TMEM132B: variants seen among roughly 807,000 people sequenced by gnomAD.
The protein encoded by TMEM132B is transmembrane protein 132B.
TMEM132B carries 18 observed loss-of-function variants against 90.8 expected under a neutral mutation model. The ratio of observed to expected loss-of-function variants is 0.20; its 90% CI spans 0.14 to 0.29. TMEM132B has a LOEUF of 0.29. Ranked by LOEUF, TMEM132B falls within the 10% of genes least tolerant of loss-of-function variation. The pLI, the probability that TMEM132B is intolerant of heterozygous loss-of-function variation, is 1.00. For missense variants in TMEM132B, 1,096 were observed against 1,326.8 expected, an observed-to-expected ratio of 0.83 and a Z score of 2.70; for synonymous variants, 504 against 523.3, an observed-to-expected ratio of 0.96 and a Z score of 0.50.
At chr12:125,202,951 C>A (rs1055846880) in intron 1 of TMEM132B, among the ~76,000 whole-genome samples, 3 of 152,172 alleles carry the variant, frequency 2.0e-5, no homozygotes, top group Non-Finnish European at 4.4e-5. Context: ...AATTGGGTTT[C>A]TTTCACTTGC....
intron 1 of TMEM132B, among the ~76,000 whole-genome samples, chr12:125,333,442 A>AC (rs1485528011): frequency 2.0e-5 from 3 of 152,252 alleles, no homozygotes; most frequent in Non-Finnish European, 4.4e-5. Flanking sequence ...CGGCAAATAG[A>AC]ATTAATTACA....
intron 2 of TMEM132B, among the ~76,000 whole-genome samples, chr12:125,377,706 A>G (rs1044883167): frequency 2.6e-5 from 4 of 152,140 alleles, no homozygotes; most frequent in African/African-American, 9.7e-5. Flanking sequence ...AATATTTTCA[A>G]AGGATTCTCT....
rs1346171650 is a variant in TMEM132B at position 125,251,480 on chromosome 12, G to A, written c.67+64614G>A. On this transcript the variant is annotated intron_variant, in intron 1 of 8. Coordinates refer to ENST00000682704, the MANE Select transcript of TMEM132B (RefSeq NM_001366854.1). The surrounding 1 kb of genome is among the most constrained non-coding windows in gnomAD (Gnocchi z 4.4). ...TACCTGCAGGGCTCACACAGGAAATGTATGAGAGGGAAGAAGTCTGGGTTT... is the reference window on the plus strand; with the variant it reads ...TACCTGCAGGGCTCACACAGGAAATATATGAGAGGGAAGAAGTCTGGGTTT... Among the ~76,000 whole-genome samples, 1 of 152,194 alleles carries A rather than the reference G, an allele frequency of 6.6e-6. No homozygotes were observed. Among genetic ancestry groups the A allele is most frequent in the Non-Finnish European group, 1.5e-5 (1 of 68,036 alleles).
intron 1 of TMEM132B, among the ~76,000 whole-genome samples, chr12:125,261,861 C>T (rs896236880): frequency 2.0e-5 from 3 of 152,136 alleles, no homozygotes; most frequent in Non-Finnish European, 4.4e-5. Context: ...GACAGGGTCT[C>T]GCTCTGATGC....
At chr12:125,202,133 A>G (rs929722257) in intron 1 of TMEM132B, among the ~76,000 whole-genome samples, 13 of 152,226 alleles carry the variant, frequency 8.5e-5, no homozygotes, top group Non-Finnish European at 1.5e-4. Flanking sequence ...GGATTGGATC[A>G]GGGTTGAGCA....
At chr12:125,604,413 A>C (rs755438255) in intron 5 of TMEM132B, among the ~76,000 whole-genome samples, 28 of 118,332 alleles carry the variant, frequency 2.4e-4, no homozygotes, top group Non-Finnish European at 4.3e-4. Context: ...ACATGGATAC[A>C]GGGAGGGGAA....
chr12:125,201,840 AGTCG>A (rs1365304733), intron 1 of TMEM132B, among the ~76,000 whole-genome samples: 1 of 152,214 alleles, frequency 6.6e-6, no homozygotes. Flanking sequence ...CTGCTTTGCC[AGTCG>A]GTGAGTTCAG....
chr12:125,463,580 A>G (rs1275754943), intron 3 of TMEM132B, among the ~76,000 whole-genome samples: 1 of 152,222 alleles, frequency 6.6e-6, no homozygotes, highest in Non-Finnish European at 1.5e-5. Context: ...TAACAGAAGC[A>G]ATATGTAGTC....
At chr12:125,547,950 T>A (rs1399772658) in intron 4 of TMEM132B, among the ~76,000 whole-genome samples, 1 of 152,246 alleles carries the variant, frequency 6.6e-6, no homozygotes, top group African/African-American at 2.4e-5. Flanking sequence ...GCTTTCCTGC[T>A]GCTTTTGAGA....
intron 3 of TMEM132B, among the ~76,000 whole-genome samples, chr12:125,446,054 C>G (rs1880999576): frequency 6.6e-6 from 1 of 152,254 alleles, no homozygotes; most frequent in African/African-American, 2.4e-5. Flanking sequence ...AGGCCCCCGC[C>G]AAGTTGTTCC....
At chr12:125,258,372 C>G (rs1231372179) in intron 1 of TMEM132B, among the ~76,000 whole-genome samples, 1 of 152,164 alleles carries the variant, frequency 6.6e-6, no homozygotes, top group Non-Finnish European at 1.5e-5. Context: ...TGGGAAGGCT[C>G]TATGCTGGTG....
intron 5 of TMEM132B, among the ~76,000 whole-genome samples, chr12:125,612,553 G>GTA (rs900666805): frequency 4.8e-5 from 7 of 144,878 alleles, no homozygotes; most frequent in East Asian, 2.0e-4. Context: ...ATGTTTTGAA[G>GTA]TATATATATA....
chr12:125,462,222 C>G (rs1349637213), intron 3 of TMEM132B, among the ~76,000 whole-genome samples: 1 of 152,228 alleles, frequency 6.6e-6, no homozygotes, highest in African/African-American at 2.4e-5. Flanking sequence ...ACTTGGATTT[C>G]AAACTGATTG....
chr12:125,602,328 T>C (rs1885591129), intron 5 of TMEM132B, among the ~76,000 whole-genome samples: 1 of 152,196 alleles, frequency 6.6e-6, no homozygotes, highest in African/African-American at 2.4e-5. Flanking sequence ...TCAATAAACA[T>C]AATACATTAC....
intron 4 of TMEM132B, among the ~76,000 whole-genome samples, chr12:125,558,521 G>GT (rs1412267855): frequency 6.6e-6 from 1 of 152,150 alleles, no homozygotes; most frequent in Admixed American, 6.5e-5. Context: ...AGACTTTTGT[G>GT]GAAGTGAAAA....
chr12:125,561,029 C>T (rs1884512135), intron 4 of TMEM132B, among the ~76,000 whole-genome samples: 1 of 151,882 alleles, frequency 6.6e-6, no homozygotes, highest in South Asian at 2.1e-4. Flanking sequence ...CAGTTATATA[C>T]CCAAAGGATT....
chr12:125,258,818 G>A (rs1337494494), intron 1 of TMEM132B, among the ~76,000 whole-genome samples: 10 of 152,230 alleles, frequency 6.6e-5, no homozygotes, highest in Non-Finnish European at 1.3e-4. Context: ...TGACTGGGAT[G>A]TGGGGGCTGT....
At chr12:125,613,644 T>G (rs1405406535) in intron 5 of TMEM132B, among the ~76,000 whole-genome samples, 1 of 151,964 alleles carries the variant, frequency 6.6e-6, no homozygotes, top group Non-Finnish European at 1.5e-5. Flanking sequence ...ATAACTTAAG[T>G]CCAGTGAGAT....
chr12:125,585,998 T>A (rs1376341070), intron 5 of TMEM132B: 1 of 152,200 alleles, frequency 6.6e-6, no homozygotes, highest in African/African-American at 2.4e-5. Flanking sequence ...TCAGTGTCAA[T>A]GTTTGTAGTA....
Sources: gnomAD v4.1 joint callset for allele counts (sites outside exome capture counted in the v4.1 genomes callset) on GRCh38, gnomAD v4.1.1 for gene constraint, Gnocchi (gnomAD v3.1) non-coding constraint, MANE v1.5 for transcripts, NCBI Gene and HGNC (gene_info 2026-07-23, HGNC 2026-07-21) for gene names.